The following TRPS1 variants were observed in gnomAD, a reference collection of about 807,000 sequenced individuals.
The protein encoded by TRPS1 is transcriptional repressor GATA binding 1, also known as zinc finger transcription factor Trps1.
TRPS1 carries 6 observed loss-of-function variants against 101.2 expected under a neutral mutation model. That is an observed-to-expected ratio of 0.06 (90% CI 0.03 to 0.12). TRPS1 has a LOEUF of 0.12. Ranked by LOEUF, TRPS1 falls within the 10% of genes least tolerant of loss-of-function variation. The pLI is 1.00. For synonymous variants in TRPS1, 578 were observed against 589.8 expected (o/e 0.98, Z 0.29); for missense variants, 1,363 against 1,567.0 (o/e 0.87, Z 2.20).
At chr8:115,514,589 T>A (rs1815665336) in intron 5 of TRPS1, among the ~76,000 whole-genome samples, 5 of 151,642 alleles carry the variant, frequency 3.3e-5, no homozygotes, top group South Asian at 4.1e-4. Context: ...TGAATTATTT[T>A]AAAAATTTCC....
At chr8:115,455,746 C>T (rs1218483899) in intron 5 of TRPS1, among the ~76,000 whole-genome samples, 5 of 142,316 alleles carry the variant, frequency 3.5e-5, no homozygotes, top group Admixed American at 1.4e-4. Context: ...TGCCATATGG[C>T]TTTTTTCTTT....
intron 5 of TRPS1, among the ~76,000 whole-genome samples, chr8:115,499,566 C>T (rs764492497): frequency 7.2e-5 from 11 of 152,052 alleles, no homozygotes; most frequent in Non-Finnish European, 1.6e-4. Context: ...GATTTTACCT[C>T]TAAACAACAA....
At chr8:115,479,623 T>C (rs1246532287) in intron 5 of TRPS1, among the ~76,000 whole-genome samples, 1 of 152,154 alleles carries the variant, frequency 6.6e-6, no homozygotes, top group South Asian at 2.1e-4. Context: ...TATCTAAATA[T>C]TCCCCTTTTC....
At chr8:115,626,415 G>T (rs1818510521) in intron 1 of TRPS1, among the ~76,000 whole-genome samples, 1 of 151,758 alleles carries the variant, frequency 6.6e-6, no homozygotes, top group South Asian at 2.1e-4. Flanking sequence ...CACTGAAGGA[G>T]TTTAGATGTT....
chr8:115,508,475 T>C (rs16887516), intron 5 of TRPS1, among the ~76,000 whole-genome samples: 3,759 of 152,140 alleles, frequency 0.025, 146 homozygotes, highest in African/African-American at 0.084. Context: ...TAAATTTCTC[T>C]AATGCTCCTC....
rs1813862912 is a variant in TRPS1 at position 115,451,208 on chromosome 8, G to A, written c.2701-32756C>T. ...AGAATGGCGCCCTATAGCTAAATGT[G>A]TGGCATGCTGTGTTCCTACCACTTC... On this transcript the variant is annotated intron_variant, in intron 5 of 6. Coordinates refer to ENST00000395715, the MANE Select transcript of TRPS1 (RefSeq NM_014112.5). Among the ~76,000 whole-genome samples the A allele has an allele frequency of 2.0e-5, 3 of 152,254 alleles. No homozygotes were observed. In the South Asian group the frequency reaches 6.2e-4, roughly 32 times the overall value.
At chr8:115,627,823 T>C (rs1057138021) in intron 1 of TRPS1, among the ~76,000 whole-genome samples, 2 of 151,796 alleles carry the variant, frequency 1.3e-5, no homozygotes, top group African/African-American at 2.4e-5. Flanking sequence ...AATAAATCTG[T>C]GTCAATCACT....
rs1454331129 is a variant in TRPS1, at chr8:115,414,445, C to T, written c.3463G>A (p.Val1155Met). ...GGCAGATTGAAGGTGGGATAAGGCA[C>T]ATAGTTTTGGCAAGGATTTGGTAGG... ...PGLPNPCQNY[V>M]PYPTFNLPPH... The change falls in exon 7 of 7, where the codon GTG (valine) becomes ATG (methionine). Residue 1155 changes from valine (V) to methionine (M), a missense_variant. Transcript: ENST00000395715. The surrounding 1 kb of genome is among the most constrained non-coding windows in gnomAD (Gnocchi z 4.8). The T allele has an allele frequency of 6.2e-7, 1 of 1,613,860 alleles. No individual in the cohort carries two copies. The highest frequency in any genetic ancestry group is 8.5e-7 in the Non-Finnish European group (1 of 1,179,970).
At chr8:115,486,181 C>G (rs893019004) in intron 5 of TRPS1, among the ~76,000 whole-genome samples, 1 of 152,126 alleles carries the variant, frequency 6.6e-6, no homozygotes, top group Admixed American at 6.6e-5. Context: ...TTCATTATTA[C>G]TATAGTATCT....
At chr8:115,633,493 T>G (rs192914700) in intron 1 of TRPS1, among the ~76,000 whole-genome samples, 1 of 152,276 alleles carries the variant, frequency 6.6e-6, no homozygotes, top group Admixed American at 6.5e-5. Context: ...GGAAGAGAAC[T>G]AATATTTCTT....
At position 115,581,178 on chromosome 8, in the gene TRPS1, T is replaced by G. The variant is rs1185117368; in HGVS notation, c.2700+5823A>C. Among the ~76,000 whole-genome samples the G allele has an allele frequency of 4.6e-5, 7 of 151,938 alleles. No individual in the cohort carries two copies. In the East Asian group the frequency reaches 1.4e-3, roughly 29 times the overall value. The stretch of plus-strand genomic sequence containing the variant: ...AAGTTAAACACTGCATGTTCTCACT[T>G]ATATGTGGAAGCTAAAAAAAAAAAA... On this transcript the variant is annotated intron_variant, in intron 5 of 6. Coordinates refer to ENST00000395715, the MANE Select transcript of TRPS1 (RefSeq NM_014112.5).
At chr8:115,589,888 G>A (rs768682785) in intron 4 of TRPS1, among the ~76,000 whole-genome samples, 2 of 152,106 alleles carry the variant, frequency 1.3e-5, no homozygotes, top group Non-Finnish European at 2.9e-5. Context: ...AAGCAGAGGC[G>A]GGCAGATCAC....
At chr8:115,627,908 A>T (rs1272690369) in intron 1 of TRPS1, among the ~76,000 whole-genome samples, 19 of 151,794 alleles carry the variant, frequency 1.3e-4, no homozygotes, top group Non-Finnish European at 1.5e-5. Flanking sequence ...AAGATAACAT[A>T]GTGCAATTAG....
chr8:115,469,732 T>G (rs557287022), intron 5 of TRPS1, among the ~76,000 whole-genome samples: 2 of 152,264 alleles, frequency 1.3e-5, no homozygotes, highest in South Asian at 4.1e-4. Flanking sequence ...TTTCACCATG[T>G]TGGCCAGGCT....
chr8:115,603,387 G>A (rs1420142348), intron 4 of TRPS1, among the ~76,000 whole-genome samples: 1 of 152,070 alleles, frequency 6.6e-6, no homozygotes, highest in East Asian at 1.9e-4. Flanking sequence ...TTGCAGAATT[G>A]TTCAAAGCCA....
At chr8:115,492,327 A>T in intron 5 of TRPS1, 2 of 449,378 alleles carry the variant, frequency 4.5e-6, no homozygotes, top group Non-Finnish European at 9.0e-6. Flanking sequence ...TTAATTAGAG[A>T]GGCAGATAAT....
At chr8:115,504,881 T>C (rs1815403731) in intron 5 of TRPS1, among the ~76,000 whole-genome samples, 1 of 152,066 alleles carries the variant, frequency 6.6e-6, no homozygotes. Flanking sequence ...TGTAAGAAAA[T>C]ATCTGACTGT....
chr8:115,601,886 G>A (rs547466911), intron 4 of TRPS1, among the ~76,000 whole-genome samples: 13 of 152,292 alleles, frequency 8.5e-5, no homozygotes, highest in South Asian at 2.1e-4. Context: ...GTGTTAAATC[G>A]TGCAGATACA....
At chr8:115,588,825 A>G (rs1817622480) in intron 4 of TRPS1, among the ~76,000 whole-genome samples, 1 of 152,360 alleles carries the variant, frequency 6.6e-6, no homozygotes, top group African/African-American at 2.4e-5. Flanking sequence ...GTAATTTTAG[A>G]TAATCATCAA....
Sources: allele counts gnomAD v4.1 joint callset (sites outside exome capture counted in the v4.1 genomes callset), GRCh38; gene constraint gnomAD v4.1.1; non-coding constraint Gnocchi (gnomAD v3.1); transcripts MANE v1.5; gene names NCBI Gene and HGNC (gene_info 2026-07-23, HGNC 2026-07-21).